NINL: variants seen among roughly 807,000 people sequenced by gnomAD.
NINL encodes ninein-like protein.
Under a neutral mutation model 160.3 loss-of-function variants are expected in NINL, and 153 were observed. That is an observed-to-expected ratio of 0.95 (90% CI 0.84 to 1.09). NINL has a LOEUF of 1.09. Among genes scored for constraint, NINL ranks in the 50% least tolerant of loss-of-function variants. NINL has a pLI of 0.00. For synonymous variants in NINL, 800 were observed against 734.8 expected (o/e 1.09, Z -1.43); for missense variants, 1,829 against 1,764.0 (o/e 1.04, Z -0.66).
At chr20:25,492,144 G>C (rs906385389) in intron 10 of NINL, among the ~76,000 whole-genome samples, 1 of 152,196 alleles carries the variant, frequency 6.6e-6, no homozygotes, top group South Asian at 2.1e-4. Flanking sequence ...TTCTGCAGAA[G>C]CCTGGTGACG....
intron 2 of NINL, among the ~76,000 whole-genome samples, chr20:25,518,973 C>CT (rs1318257909): frequency 6.6e-6 from 1 of 151,894 alleles, no homozygotes; most frequent in Non-Finnish European, 1.5e-5. Context: ...TGGCGTGTGC[C>CT]TGTAATCCCA....
chr20:25,507,976 C>G (rs981146487), intron 5 of NINL, among the ~76,000 whole-genome samples: 2 of 152,168 alleles, frequency 1.3e-5, no homozygotes, highest in Non-Finnish European at 2.9e-5. Context: ...TGGAAGGAAC[C>G]CCAACCTGGT....
intron 13 of NINL, among the ~76,000 whole-genome samples, chr20:25,486,318 G>A (rs946026932): frequency 2.8e-4 from 42 of 152,272 alleles, no homozygotes; most frequent in African/African-American, 9.4e-4. Context: ...TATCTCTGCT[G>A]TTTCAAAAAA....
intron 17 of NINL, among the ~76,000 whole-genome samples, chr20:25,475,375 G>A (rs1357302480): frequency 2.0e-5 from 3 of 152,132 alleles, no homozygotes; most frequent in African/African-American, 7.2e-5. Flanking sequence ...TCCAAGAATT[G>A]AAGAGAAGGG....
intron 13 of NINL, among the ~76,000 whole-genome samples, chr20:25,483,037 A>G (rs1250869341): frequency 1.3e-5 from 2 of 150,816 alleles, no homozygotes; most frequent in African/African-American, 5.0e-5. Context: ...CAAGAAAAAA[A>G]TAAATAAAGA....
chr20:25,559,938 CGATT>C (rs1284725694), intron 1 of NINL, among the ~76,000 whole-genome samples: 4 of 150,574 alleles, frequency 2.7e-5, no homozygotes, highest in Non-Finnish European at 4.4e-5. Flanking sequence ...CATTGATTGT[CGATT>C]GATTGATTGA....
At chr20:25,545,374 G>A (rs1568957968) in intron 1 of NINL, among the ~76,000 whole-genome samples, 1 of 152,108 alleles carries the variant, frequency 6.6e-6, no homozygotes, top group African/African-American at 2.4e-5. Flanking sequence ...TCAGTGTGGC[G>A]TTTCAGGAGC....
At chr20:25,473,033 C>T (rs1350854469) in intron 17 of NINL, among the ~76,000 whole-genome samples, 1 of 152,162 alleles carries the variant, frequency 6.6e-6, no homozygotes, top group Non-Finnish European at 1.5e-5. Context: ...TACCACACAG[C>T]AATGCAAATG....
At chr20:25,501,035 G>C (rs767139163) in intron 7 of NINL, 25 bp from the exon 8 acceptor site, 9 of 1,609,114 alleles carry the variant, frequency 5.6e-6, no homozygotes, top group Non-Finnish European at 7.6e-6. Flanking sequence ...GACTTCCATA[G>C]CGCCCAGCGT....
intron 1 of NINL, among the ~76,000 whole-genome samples, chr20:25,538,196 TGA>T (rs1412644965): frequency 1.3e-5 from 2 of 152,120 alleles, no homozygotes; most frequent in African/African-American, 4.8e-5. Context: ...GGCACTGTCC[TGA>T]GAGGGGACTC....
rs751218929 is a variant in NINL at position 25,477,087 on chromosome 20, C to G, written c.2204G>C (p.Arg735Thr). 29 of 1,591,266 alleles carry G rather than the reference C, an allele frequency of 1.8e-5. No individual in the cohort carries two copies. Among genetic ancestry groups the G allele is most frequent in the Non-Finnish European group, 2.5e-5 (29 of 1,176,340 alleles). Residue 735 changes from arginine to threonine, a missense_variant and splice_region_variant, in exon 17 of 24, where the codon AGA (arginine) becomes ACA (threonine). Arg to Thr is a moderately conservative substitution (Grantham distance 71, BLOSUM62 -1). Transcript: ENST00000278886. Reference sequence around the variant, plus strand: ...TCCACTCAGCTCCGCCTCAGCCTCTCTCCTGTGGAAGTAGAACCGTCACAC... The same window carrying G: ...TCCACTCAGCTCCGCCTCAGCCTCTGTCCTGTGGAAGTAGAACCGTCACAC... ...RHHSHLQQIR[R>T]EAEAELSGEL...
intron 22 of NINL, among the ~76,000 whole-genome samples, chr20:25,457,136 C>T (rs892568648): frequency 2.5e-4 from 38 of 151,838 alleles, no homozygotes; most frequent in Non-Finnish European, 4.7e-4. Context: ...CCATCCTGGC[C>T]AACACGGTGA....
chr20:25,479,171 T>C lies in NINL; in HGVS notation c.1953A>G (p.Lys651=), dbSNP rs200356022. 1.3e-5 allele frequency: 21 copies of C among 1,611,386 alleles called. No individual in the cohort carries two copies. In the East Asian group the frequency reaches 4.0e-4, roughly 31 times the overall value. ...NYYEREIAAL[K]RNFEKERKDM... is the part of the protein sequence containing the mutation. Reference sequence around the variant, plus strand: ...CCTTCCTCTCCTTCTCAAAGTTCCTTTTCAGTGCCGCAATTTCCCTTTCGT... The same window carrying C: ...CCTTCCTCTCCTTCTCAAAGTTCCTCTTCAGTGCCGCAATTTCCCTTTCGT... Residue 651 remains lysine, a synonymous_variant, in exon 16 of 24, where the codon AAA becomes AAG. Transcript: ENST00000278886.
Position 25,479,092 on chromosome 20 carries a change from C to T in NINL, c.2032G>A (p.Asp678Asn), listed in dbSNP as rs545000413. 1.5e-5 allele frequency: 25 copies of T among 1,613,530 alleles called. No homozygotes were observed. The highest frequency in any genetic ancestry group is 3.3e-4 in the Middle Eastern group (2 of 6,062). ...GACTTCTCGTGGAGCTCCTCCAGGT[C>T]GGCCTTCTGACCCTCCAGCACGCTG... The part of the protein sequence containing the change: ...EVSVLEGQKA[D>N]LEELHEKSQE... The change falls in exon 16 of 24, where the codon GAC becomes AAC. Residue 678 changes from aspartate to asparagine, a missense_variant. Transcript: ENST00000278886.
intron 10 of NINL, among the ~76,000 whole-genome samples, chr20:25,491,744 G>T (rs2063644789): frequency 6.6e-6 from 1 of 152,222 alleles, no homozygotes; most frequent in East Asian, 1.9e-4. Context: ...AAGGGGATCT[G>T]GTGGGTCACA....
intron 16 of NINL, among the ~76,000 whole-genome samples, chr20:25,478,636 G>A (rs964474089): frequency 2.0e-5 from 3 of 152,204 alleles, no homozygotes; most frequent in African/African-American, 7.2e-5. Flanking sequence ...GTCTCTGAGC[G>A]ATGGAGGCAA....
chr20:25,580,805 C>T (rs1417861897), intron 1 of NINL, among the ~76,000 whole-genome samples: 1 of 152,240 alleles, frequency 6.6e-6, no homozygotes, highest in African/African-American at 2.4e-5. Flanking sequence ...TAGAGTATGA[C>T]CCAAACTTTT....
chr20:25,533,760 T>C (rs1314933043), intron 1 of NINL, among the ~76,000 whole-genome samples: 4 of 152,250 alleles, frequency 2.6e-5, no homozygotes, highest in African/African-American at 9.6e-5. Context: ...CCTTGCTTTC[T>C]ACAATATACA....
intron 13 of NINL, among the ~76,000 whole-genome samples, chr20:25,485,451 G>C (rs2063487390): frequency 6.6e-6 from 1 of 152,260 alleles, no homozygotes; most frequent in African/African-American, 2.4e-5. Context: ...AGCAGAACGG[G>C]AGGAAGTGTT....
Sources: gnomAD v4.1 joint callset for allele counts (sites outside exome capture counted in the v4.1 genomes callset) on GRCh38, gnomAD v4.1.1 for gene constraint, MANE v1.5 for transcripts, NCBI Gene and HGNC (gene_info 2026-07-23, HGNC 2026-07-21) for gene names.